Variants in IARS2 observed in about 807,000 individuals in gnomAD.
IARS2 encodes the protein isoleucyl-tRNA synthetase 2, mitochondrial, also known as isoleucine--tRNA ligase, mitochondrial.
IARS2 carries 56 observed loss-of-function variants against 126.3 expected under a neutral mutation model. The observed-to-expected ratio is 0.44, with a 90% CI of 0.36 to 0.55. The LOEUF (loss-of-function observed/expected upper bound fraction) is 0.55, where lower values mean the gene tolerates loss of function less well. IARS2 is among the 20% of genes least tolerant of loss of function. The pLI, the probability that IARS2 is intolerant of heterozygous loss-of-function variation, is 0.00. For missense variants in IARS2, 1,127 were observed against 1,245.9 expected (o/e 0.90, Z 1.44); for synonymous variants, 407 against 441.1 (o/e 0.92, Z 0.97).
At chr1:220,141,257 A>AAG (rs1309874635) in intron 19 of IARS2, among the ~76,000 whole-genome samples, 1 of 152,152 alleles carries the variant, frequency 6.6e-6, no homozygotes. Context: ...TCCTGAGGGG[A>AAG]AGAGAGAGAT....
rs1270449115 is a variant in IARS2, at chr1:220,094,347, C to T, written c.131C>T (p.Ser44Leu). ...QGATKRLLVR[S>L]VSGASNHQPN... Reference sequence around the variant, plus strand: ...GCGACGAAGAGGCTTCTGGTGCGGTCGGTCTCCGGGGCCAGTAACCACCAG... The same window carrying T: ...GCGACGAAGAGGCTTCTGGTGCGGTTGGTCTCCGGGGCCAGTAACCACCAG... The change falls in exon 1 of 23, where the codon TCG becomes TTG. Residue 44 changes from serine (S) to leucine (L), a missense_variant. Physicochemically the swap from Ser to Leu is moderately radical, Grantham distance 145 (BLOSUM62 -2). Transcript: ENST00000366922. The T allele has an allele frequency of 6.2e-7, 1 of 1,613,086 alleles. No homozygotes were observed. The highest frequency in any genetic ancestry group is 2.2e-5 in the East Asian group (1 of 44,838).
intron 10 of IARS2, 26 bp from the exon 11 acceptor site, chr1:220,110,760 C>A (rs1291591833): frequency 1.3e-6 from 2 of 1,515,968 alleles, no homozygotes; most frequent in South Asian, 2.4e-5. Flanking sequence ...TTAATTATGT[C>A]TAATTTGGTG....
At chr1:220,141,050 T>TG (rs1321924599) in intron 19 of IARS2, among the ~76,000 whole-genome samples, 1 of 152,060 alleles carries the variant, frequency 6.6e-6, no homozygotes, top group Non-Finnish European at 1.5e-5. Flanking sequence ...GACCTCCCGC[T>TG]TACTAGCTTT....
At chr1:220,120,725 G>A (rs1008282630) in intron 12 of IARS2, among the ~76,000 whole-genome samples, 7 of 152,096 alleles carry the variant, frequency 4.6e-5, no homozygotes, top group Non-Finnish European at 8.8e-5. Context: ...TGTACAACAT[G>A]TTTTGAAATA....
At position 220,110,897 on chromosome 1, in the gene IARS2, AGTGGTTTAT is replaced by A; in HGVS notation, c.1440_1448del (p.Trp481_Ile483del). The A allele has an allele frequency of 6.2e-7, 1 of 1,614,118 alleles. No homozygotes were observed. Among genetic ancestry groups the A allele is most frequent in the Non-Finnish European group, 8.5e-7 (1 of 1,180,010 alleles). ...CCTGTGGTTATTCGTGCCAGCAAGC[AGTGGTTTAT>A]AAACATCACGGATATTAAGACTGCA... is the stretch of plus-strand genomic sequence containing the variant. On this transcript the variant is annotated inframe_deletion, in exon 11 of 23. Transcript: ENST00000366922.
At chr1:220,116,013 C>G (rs1470563220) in intron 12 of IARS2, among the ~76,000 whole-genome samples, 1 of 152,090 alleles carries the variant, frequency 6.6e-6, no homozygotes, top group Non-Finnish European at 1.5e-5. Flanking sequence ...TTGAAGCCAG[C>G]TGTTCAAGAT....
In IARS2 at chr1:220,145,417, C is replaced by T. The variant is rs551128734; in HGVS notation, c.2752-92C>T. 3 of 1,229,422 alleles carry T rather than the reference C, an allele frequency of 2.4e-6. No individual in the cohort carries two copies. In the Admixed American group the frequency reaches 7.6e-5, roughly 31 times the overall value. The allele number at this position is 1,229,422 out of a possible 1,614,324, so 76.2% of individuals were successfully genotyped here. A position where few individuals can be genotyped will look rare whatever the true frequency, so the allele number is the denominator to read the frequency against. On this transcript the variant is annotated intron_variant, in intron 21 of 22. Transcript: ENST00000366922. ...CAATGGTATACCAGAAGGTTCCTCT[C>T]TAAACGTGAGATTTTATAGTGTTTC... is the stretch of plus-strand genomic sequence containing the variant.
chr1:220,103,454 G>C lies in IARS2; in HGVS notation c.958G>C (p.Val320Leu). 1 of 1,589,544 alleles carries C rather than the reference G, an allele frequency of 6.3e-7. No individual in the cohort carries two copies. The highest frequency in any genetic ancestry group is 8.6e-7 in the Non-Finnish European group (1 of 1,158,352). The change falls in exon 8 of 23, where the codon GTT becomes CTT. Residue 320 changes from valine to leucine, a missense_variant. Coordinates refer to ENST00000366922, the MANE Select transcript of IARS2 (RefSeq NM_018060.4). The part of the protein sequence containing the change: ...VCYMPESKYA[V>L]VKCSKSGDLY... The stretch of plus-strand genomic sequence containing the variant: ...CCTAAAATTTTATGTTAGGTATGCT[G>C]TTGTGAAATGTTCTAAGTCTGGAGA...
intron 2 of IARS2, 106 bp downstream of exon 2, chr1:220,096,332 C>T: frequency 2.6e-6 from 2 of 771,926 alleles, no homozygotes; most frequent in Non-Finnish European, 3.8e-6. Flanking sequence ...TAGATTTGCA[C>T]ATAAAACTAA....
At chr1:220,131,165 T>C (rs988450257) in intron 14 of IARS2, among the ~76,000 whole-genome samples, 1 of 152,078 alleles carries the variant, frequency 6.6e-6, no homozygotes, top group Non-Finnish European at 1.5e-5. Context: ...TGGAATTGCA[T>C]TGAATCTTTA....
Position 220,125,731 on chromosome 1 carries a change from G to A in IARS2, c.1743+392G>A, listed in dbSNP as rs114262076. 6.6e-3 allele frequency among the ~76,000 whole-genome samples: 1,001 copies of A among 152,118 alleles called. 1 individual carries two copies. The highest frequency in any genetic ancestry group is 0.01 in the Non-Finnish European group (683 of 67,990). On this transcript the variant is annotated intron_variant, in intron 13 of 22. Coordinates refer to ENST00000366922, the MANE Select transcript of IARS2 (RefSeq NM_018060.4). ...GAGGGGGGAGGATGGCTTGAGCCTG[G>A]AAGACAGGTTGCAGCGAGCCAAGAT...
At chr1:220,097,348 C>G (rs980261495) in intron 2 of IARS2, among the ~76,000 whole-genome samples, 1 of 150,192 alleles carries the variant, frequency 6.7e-6, no homozygotes, top group Non-Finnish European at 1.5e-5. Context: ...CCTTCTCTTT[C>G]CCAACAGTTC....
At chr1:220,096,063 A>G in intron 1 of IARS2, 41 bp from the exon 2 acceptor site, 1 of 1,164,480 alleles carries the variant, frequency 8.6e-7, no homozygotes, top group Non-Finnish European at 1.3e-6. Context: ...AGGAGTATGT[A>G]TTTATATGAT....
intron 2 of IARS2, among the ~76,000 whole-genome samples, chr1:220,098,248 G>C (rs1656490424): frequency 6.6e-6 from 1 of 152,184 alleles, no homozygotes; most frequent in South Asian, 2.1e-4. Context: ...GAAGCCCTTA[G>C]CAAAGAGCAT....
intron 14 of IARS2, among the ~76,000 whole-genome samples, chr1:220,130,755 C>T (rs948514983): frequency 2.6e-5 from 4 of 152,126 alleles, no homozygotes; most frequent in South Asian, 2.1e-4. Context: ...GACGGGGTTT[C>T]ACCATGTTAG....
chr1:220,143,059 C>T lies in IARS2; in HGVS notation c.2676C>T (p.Ser892=), dbSNP rs770660016. The T allele has an allele frequency of 4.3e-6, 7 of 1,614,124 alleles. No individual in the cohort carries two copies. Among genetic ancestry groups the T allele is most frequent in the Non-Finnish European group, 5.9e-6 (7 of 1,179,988 alleles). The change falls in exon 21 of 23, where the codon AGC becomes AGT. Residue 892 remains serine, a synonymous_variant. Transcript: ENST00000366922. The part of the protein sequence containing the change: ...ACAMRDSFLG[S]IPGKNAAEYK... ...CAATGCGAGACTCATTTCTTGGAAG[C>T]ATCCCTGGCAAAAATGCAGCTGAGT... is the stretch of plus-strand genomic sequence containing the variant.
chr1:220,123,559 T>C (rs1247477253), intron 12 of IARS2, among the ~76,000 whole-genome samples: 6 of 152,142 alleles, frequency 3.9e-5, no homozygotes, highest in South Asian at 2.1e-4. Flanking sequence ...CTGCAAGCTC[T>C]GCCTCCCGGG....
intron 13 of IARS2, among the ~76,000 whole-genome samples, chr1:220,125,747 G>C (rs559916428): frequency 4.1e-4 from 63 of 151,894 alleles, no homozygotes; most frequent in Non-Finnish European, 8.1e-4. Flanking sequence ...AGGTTGCAGC[G>C]AGCCAAGATT....
intron 19 of IARS2, among the ~76,000 whole-genome samples, chr1:220,141,333 T>G (rs1046183732): frequency 6.6e-6 from 1 of 152,214 alleles, no homozygotes; most frequent in Non-Finnish European, 1.5e-5. Flanking sequence ...GAGGCCTTGA[T>G]GCCAAGTCTT....
Sources: allele counts gnomAD v4.1 joint callset (sites outside exome capture counted in the v4.1 genomes callset), GRCh38; gene constraint gnomAD v4.1.1; transcripts MANE v1.5; gene names NCBI Gene and HGNC (gene_info 2026-07-23, HGNC 2026-07-21).